SYN2: variants seen among roughly 807,000 people sequenced by gnomAD.
The protein encoded by SYN2 is synapsin-2.
SYN2 carries 19 observed loss-of-function variants against 50.9 expected under a neutral mutation model. That is an observed-to-expected ratio of 0.37 (90% CI 0.26 to 0.55). SYN2 has a LOEUF of 0.55. Ranked by LOEUF, SYN2 falls within the 20% of genes least tolerant of loss-of-function variation. SYN2 has a pLI of 0.81. For synonymous variants in SYN2, 255 were observed against 224.9 expected (o/e 1.13, Z -1.20); for missense variants, 587 against 576.4 (o/e 1.02, Z -0.19).
At chr3:12,059,129 A>T (rs899366257) in intron 1 of SYN2, among the ~76,000 whole-genome samples, 1 of 152,208 alleles carries the variant, frequency 6.6e-6, no homozygotes, top group Non-Finnish European at 1.5e-5. Flanking sequence ...TAGAAAGGAA[A>T]ACGTTAATTT....
intron 1 of SYN2, among the ~76,000 whole-genome samples, chr3:12,036,152 C>A (rs1694493919): frequency 6.6e-6 from 1 of 152,048 alleles, no homozygotes. Context: ...GTACCTGCTC[C>A]ATCTTAGGCT....
chr3:12,055,197 A>G (rs969086082), intron 1 of SYN2, among the ~76,000 whole-genome samples: 3 of 152,118 alleles, frequency 2.0e-5, no homozygotes, highest in South Asian at 2.1e-4. Flanking sequence ...TTTGACTATA[A>G]TGAAATTAGA....
At chr3:12,055,654 G>A (rs903933540) in intron 1 of SYN2, among the ~76,000 whole-genome samples, 1 of 152,052 alleles carries the variant, frequency 6.6e-6, no homozygotes, top group Non-Finnish European at 1.5e-5. Flanking sequence ...TATGCTTTGT[G>A]GTTTTTAAAG....
In SYN2 at chr3:12,025,015, T is replaced by C. The variant is rs546924016; in HGVS notation, c.377+20087T>C. Among the ~76,000 whole-genome samples, 9 of 152,318 alleles carry C rather than the reference T, an allele frequency of 5.9e-5. No individual in the cohort carries two copies. The East Asian group carries it at 1.7e-3, about 29-fold the overall frequency. On this transcript the variant is annotated intron_variant, in intron 1 of 12. Coordinates refer to ENST00000621198, the MANE Select transcript of SYN2 (RefSeq NM_133625.6). Reference sequence around the variant, plus strand: ...ATTTATTTCTCACAGTTCTGGAGGCTGAATGTCTGAGATCAGGGTGCCAGC... The same window carrying C: ...ATTTATTTCTCACAGTTCTGGAGGCCGAATGTCTGAGATCAGGGTGCCAGC...
chr3:12,035,665 A>G (rs969376389), intron 1 of SYN2, among the ~76,000 whole-genome samples: 2 of 152,214 alleles, frequency 1.3e-5, no homozygotes, highest in Admixed American at 6.5e-5. Context: ...CCTGCAAGTC[A>G]TAGGTAGATT....
chr3:12,155,616 C>T (rs1245507435), intron 5 of SYN2, among the ~76,000 whole-genome samples: 1 of 152,170 alleles, frequency 6.6e-6, no homozygotes. Context: ...GTGTTCTGGT[C>T]ACAAAGAGCT....
At chr3:12,078,783 A>G (rs1376788005) in intron 1 of SYN2, among the ~76,000 whole-genome samples, 1 of 152,022 alleles carries the variant, frequency 6.6e-6, no homozygotes, top group East Asian at 1.9e-4. Flanking sequence ...TCTTGGCTAT[A>G]CAAGCTCTTG....
At chr3:12,190,392 G>A (rs1169779610) in intron 12 of SYN2, 98 bp from the exon 13 acceptor site, 5 of 1,394,906 alleles carry the variant, frequency 3.6e-6, no homozygotes, top group Admixed American at 1.8e-5. Context: ...TCCCAGGGAG[G>A]GAGTGGGGGT....
intron 1 of SYN2, among the ~76,000 whole-genome samples, chr3:12,110,020 T>C (rs948881923): frequency 1.1e-4 from 16 of 152,066 alleles, no homozygotes; most frequent in African/African-American, 3.6e-4. Flanking sequence ...AGACCCCATC[T>C]CTACAAAAAA....
At chr3:12,158,634 T>G in intron 5 of SYN2, 1 of 1,589,886 alleles carries the variant, frequency 6.3e-7, no homozygotes, top group South Asian at 1.1e-5. Flanking sequence ...ACTCCTGGTG[T>G]ACTGCTGGCC....
chr3:12,114,342 A>G (rs1001334597), intron 1 of SYN2, among the ~76,000 whole-genome samples: 6 of 152,054 alleles, frequency 3.9e-5, no homozygotes, highest in Non-Finnish European at 7.4e-5. Flanking sequence ...TTCTGGGTAA[A>G]TAAACTGTTA....
chr3:12,095,877 C>T (rs1479488036), intron 1 of SYN2, among the ~76,000 whole-genome samples: 4 of 151,994 alleles, frequency 2.6e-5, no homozygotes, highest in African/African-American at 9.7e-5. Context: ...CAATTTTTAC[C>T]TCCAGTAAGA....
chr3:12,037,654 C>T (rs188993915), intron 1 of SYN2, among the ~76,000 whole-genome samples: 2 of 152,220 alleles, frequency 1.3e-5, no homozygotes, highest in African/African-American at 4.8e-5. Flanking sequence ...GAACCTACTC[C>T]TGAAATAACT....
intron 8 of SYN2, among the ~76,000 whole-genome samples, chr3:12,167,557 A>C (rs922735381): frequency 2.0e-5 from 3 of 152,198 alleles, no homozygotes; most frequent in African/African-American, 4.8e-5. Flanking sequence ...AGATGCTGGC[A>C]CCATGCTTTT....
chr3:12,174,573 C>T (rs1427680031), intron 10 of SYN2, among the ~76,000 whole-genome samples: 1 of 152,156 alleles, frequency 6.6e-6, no homozygotes, highest in Non-Finnish European at 1.5e-5. Flanking sequence ...CCACCGCCTC[C>T]CGGGTTCAAG....
intron 1 of SYN2, among the ~76,000 whole-genome samples, chr3:12,061,108 A>T (rs377601154): frequency 6.6e-6 from 1 of 152,232 alleles, no homozygotes; most frequent in South Asian, 2.1e-4. Flanking sequence ...AATGCCTTTG[A>T]TGGGCTATTC....
chr3:12,183,428 C>T, intron 11 of SYN2, 56 bp downstream of exon 11: 5 of 1,610,676 alleles, frequency 3.1e-6, no homozygotes, highest in Non-Finnish European at 4.2e-6. Flanking sequence ...CAAAACAAGT[C>T]CAAGCTTCTT....
At chr3:12,067,754 T>A (rs1695251360) in intron 1 of SYN2, among the ~76,000 whole-genome samples, 1 of 152,218 alleles carries the variant, frequency 6.6e-6, no homozygotes, top group South Asian at 2.1e-4. Context: ...TTCTATAAAT[T>A]TTTAAAATTA....
At chr3:12,176,986 G>A (rs1389766527) in intron 10 of SYN2, among the ~76,000 whole-genome samples, 3 of 152,160 alleles carry the variant, frequency 2.0e-5, no homozygotes, top group Admixed American at 6.5e-5. Context: ...GCTGGGGACT[G>A]GGGCTGTTGG....
Sources: allele counts gnomAD v4.1 joint callset (sites outside exome capture counted in the v4.1 genomes callset), GRCh38; gene constraint gnomAD v4.1.1; transcripts MANE v1.5; gene names NCBI Gene and HGNC (gene_info 2026-07-23, HGNC 2026-07-21).